SNX27: variants seen among roughly 807,000 people sequenced by gnomAD.
SNX27 encodes the protein sorting nexin 27, also known as sorting nexin-27.
SNX27 carries 22 observed loss-of-function variants against 71.6 expected under a neutral mutation model. The ratio of observed to expected loss-of-function variants is 0.31; its 90% CI spans 0.22 to 0.44. SNX27 has a LOEUF of 0.44. Among genes scored for constraint, SNX27 ranks in the 20% least tolerant of loss-of-function variants. The probability of loss-of-function intolerance (pLI) is 1.00; values close to 1 mark genes in which losing one functional copy is unlikely to be tolerated. For synonymous variants in SNX27, 269 were observed against 277.2 expected, an observed-to-expected ratio of 0.97 and a Z score of 0.29; for missense variants, 531 against 698.6, an observed-to-expected ratio of 0.76 and a Z score of 2.70.
At position 151,696,399 on chromosome 1, in the gene SNX27, GTTGGGGTGGTTGGAAAGTCTCTTT is replaced by G. The variant is rs945298323; in HGVS notation, c.*1985_*2008del. On this transcript the variant is annotated 3_prime_UTR_variant, in exon 12 of 12. Transcript: ENST00000458013. ...GTTGTAGTCAATTCTACTAAGCAGT[GTTGGGGTGGTTGGAAAGTCTCTTT>G]TTTGTAATTTGTTTTTGCAAATCAT... The G allele has an allele frequency of 6.6e-6, 1 of 152,232 alleles. No individual in the cohort carries two copies. Among genetic ancestry groups the G allele is most frequent in the African/African-American group, 2.4e-5 (1 of 41,456 alleles). 9.4% of individuals were successfully genotyped at this position (152,232 alleles called of 1,614,324 possible). A position where few individuals can be genotyped will look rare whatever the true frequency, so the allele number is the denominator to read the frequency against.
chr1:151,632,154 C>A (rs11204862), intron 1 of SNX27, among the ~76,000 whole-genome samples: 1 of 150,600 alleles, frequency 6.6e-6, no homozygotes, highest in African/African-American at 2.4e-5. Flanking sequence ...TAATTTGTTG[C>A]GGAGGTTGTT....
intron 2 of SNX27, among the ~76,000 whole-genome samples, chr1:151,649,183 AAC>A (rs1669209600): frequency 6.6e-6 from 1 of 151,758 alleles, no homozygotes; most frequent in African/African-American, 2.4e-5. Flanking sequence ...GCTGGTCTTG[AAC>A]TCCTGACCTC....
At chr1:151,693,756 C>G in intron 11 of SNX27, 3 of 1,520,548 alleles carry the variant, frequency 2.0e-6, no homozygotes, top group Non-Finnish European at 2.6e-6. Flanking sequence ...CTTCATGGAC[C>G]CTCCTCTGCC....
At chr1:151,642,560 G>A (rs1456245003) in intron 2 of SNX27, among the ~76,000 whole-genome samples, 1 of 151,958 alleles carries the variant, frequency 6.6e-6, no homozygotes, top group African/African-American at 2.4e-5. Context: ...CTAACCCAAG[G>A]ACACCAATCT....
intron 2 of SNX27, among the ~76,000 whole-genome samples, chr1:151,653,462 G>C (rs1464023762): frequency 6.6e-6 from 1 of 152,054 alleles, no homozygotes; most frequent in African/African-American, 2.4e-5. Flanking sequence ...TCTAGCAATG[G>C]GTTGCTATTA....
chr1:151,648,458 T>G (rs1230308384), intron 2 of SNX27, among the ~76,000 whole-genome samples: 3 of 152,066 alleles, frequency 2.0e-5, no homozygotes, highest in African/African-American at 7.2e-5. Flanking sequence ...TTGCTCTTTT[T>G]GCCCAGGCTG....
At position 151,612,074 on chromosome 1, in the gene SNX27, C is replaced by G. The variant is rs1297840906; in HGVS notation, c.-128C>G. 14 of 1,078,168 alleles carry G rather than the reference C, an allele frequency of 1.3e-5. No individual in the cohort carries two copies. Among genetic ancestry groups the G allele is most frequent in the Non-Finnish European group, 1.6e-5 (13 of 829,096 alleles). The allele number at this position is 1,078,168 out of a possible 1,614,324, so 66.8% of individuals were successfully genotyped here. A position where few individuals can be genotyped will look rare whatever the true frequency, so the allele number is the denominator to read the frequency against. ...CACCCCGCGCCAGCAGCTCGGTGGC[C>G]GAGTCGGTCCCGCGGCCGGCGGATC... On this transcript the variant is annotated 5_prime_UTR_variant, in exon 1 of 12. Coordinates refer to ENST00000458013, the MANE Select transcript of SNX27 (RefSeq NM_001330723.2). The surrounding 1 kb of genome is among the most constrained non-coding windows in gnomAD (Gnocchi z 5.2).
At position 151,692,406 on chromosome 1, in the gene SNX27, CTTTTTTTTT is replaced by C. The variant is rs61159507; in HGVS notation, c.1240-11_1240-3del. On this transcript the variant is annotated intron_variant, in intron 8 of 11. Coordinates refer to ENST00000458013, the MANE Select transcript of SNX27 (RefSeq NM_001330723.2). The stretch of plus-strand genomic sequence containing the variant: ...TAACCCTGTTTCCTGTTTCTCCTTC[CTTTTTTTTT>C]TTTTTTTTTTTTTTTTTAGTACCTC... 38 of 854,552 alleles carry C rather than the reference CTTTTTTTTT, an allele frequency of 4.4e-5. No homozygotes were observed. The highest frequency in any genetic ancestry group is 1.5e-4 in the East Asian group (3 of 20,146). The allele number at this position is 854,552 out of a possible 1,614,324, so 52.9% of individuals were successfully genotyped here.
rs900281325 is a variant in SNX27 at position 151,694,339 on chromosome 1, T to C, written c.1579-31T>C. On this transcript the variant is annotated intron_variant, in intron 11 of 11. Coordinates refer to ENST00000458013, the MANE Select transcript of SNX27 (RefSeq NM_001330723.2). The stretch of plus-strand genomic sequence containing the variant: ...TCTCCAGATAAGAGGAGATGTGCCT[T>C]CCCAATAACTCTTTTTTTTTTTCCT... The C allele has an allele frequency of 1.0e-5, 16 of 1,549,094 alleles. No homozygotes were observed. The African/African-American group carries it at 1.9e-4, about 19-fold the overall frequency.
chr1:151,679,938 C>G (rs1467534590), intron 7 of SNX27: 2 of 152,042 alleles, frequency 1.3e-5, no homozygotes, highest in Admixed American at 1.3e-4. Flanking sequence ...GGGATTATCA[C>G]AAGAAATTGC....
intron 1 of SNX27, among the ~76,000 whole-genome samples, chr1:151,620,706 T>TG (rs1370988567): frequency 1.3e-5 from 2 of 151,756 alleles, no homozygotes; most frequent in Non-Finnish European, 2.9e-5. Flanking sequence ...TTTTTTTTTT[T>TG]TGTGACAGAG....
chr1:151,689,117 G>A (rs1344657991), intron 8 of SNX27, among the ~76,000 whole-genome samples: 17 of 152,056 alleles, frequency 1.1e-4, no homozygotes, highest in South Asian at 2.1e-4. Context: ...CAGAGGGGAC[G>A]GACAGGGCAT....
At chr1:151,657,400 T>C (rs1419016801) in intron 2 of SNX27, among the ~76,000 whole-genome samples, 5 of 152,156 alleles carry the variant, frequency 3.3e-5, no homozygotes, top group Non-Finnish European at 1.5e-5. Flanking sequence ...ACTCTTGGAC[T>C]CAAGCAATCT....
At chr1:151,615,820 G>A in intron 1 of SNX27, 1 of 985,034 alleles carries the variant, frequency 1.0e-6, no homozygotes, top group Non-Finnish European at 1.2e-6. Flanking sequence ...AAAGAACAGA[G>A]TAACTTTGAA....
At chr1:151,654,034 T>C in intron 2 of SNX27, among the ~76,000 whole-genome samples, 1 of 152,144 alleles carries the variant, frequency 6.6e-6, no homozygotes, top group East Asian at 1.9e-4. Flanking sequence ...AGTTTCAGCA[T>C]GTTGGCTGGG....
At chr1:151,652,184 A>AGAGAGGGAGAGGGAGACCGTGGG (rs1192470450) in intron 2 of SNX27, among the ~76,000 whole-genome samples, 1 of 102,692 alleles carries the variant, frequency 9.7e-6, no homozygotes, top group Non-Finnish European at 1.9e-5. Flanking sequence ...GACCGTGGAA[A>AGAGAGGGAGAGGGAGACCGTGGG]GAGAGGGAGA....
chr1:151,671,486 C>T (rs1174439588), intron 7 of SNX27, among the ~76,000 whole-genome samples: 1 of 152,122 alleles, frequency 6.6e-6, no homozygotes, highest in East Asian at 1.9e-4. Context: ...ATCCTCCTGC[C>T]TTAGCCTCCT....
chr1:151,693,378 T>G, intron 10 of SNX27, 46 bp from the exon 11 acceptor site: 1 of 1,576,104 alleles, frequency 6.3e-7, no homozygotes, highest in Non-Finnish European at 8.7e-7. Context: ...AGTCCTGAGA[T>G]GCCTGCTCTT....
chr1:151,631,508 A>C (rs1481087533), intron 1 of SNX27, among the ~76,000 whole-genome samples: 5 of 152,224 alleles, frequency 3.3e-5, no homozygotes, highest in Non-Finnish European at 1.5e-5. Context: ...TGCATTTAAC[A>C]TAAGAACTTC....
Sources: gnomAD v4.1 joint callset for allele counts (sites outside exome capture counted in the v4.1 genomes callset) on GRCh38, gnomAD v4.1.1 for gene constraint, Gnocchi (gnomAD v3.1) non-coding constraint, MANE v1.5 for transcripts, NCBI Gene and HGNC (gene_info 2026-07-23, HGNC 2026-07-21) for gene names.